Variants in PBK observed in about 807,000 individuals in gnomAD.
PBK encodes PDZ binding kinase.
In PBK, 22 loss-of-function variants were observed where a neutral mutation model predicts 33.5. That is an observed-to-expected ratio of 0.66 (90% confidence interval 0.47 to 0.94). PBK has a LOEUF of 0.94. Ranked by LOEUF, PBK falls within the 40% of genes least tolerant of loss-of-function variation. The pLI is 0.00. For missense variants in PBK, 376 were observed against 383.4 expected (o/e 0.98, Z 0.16); for synonymous variants, 129 against 123.8 (o/e 1.04, Z -0.28).
At chr8:27,829,194 T>C (rs1251362970) in intron 2 of PBK, among the ~76,000 whole-genome samples, 2 of 152,142 alleles carry the variant, frequency 1.3e-5, no homozygotes, top group Non-Finnish European at 2.9e-5. Flanking sequence ...AATGTGTAGA[T>C]GCCCCAAAGC....
Position 27,810,125 on chromosome 8 carries a change from C to A in PBK, c.*180G>T, listed in dbSNP as rs1183899361. On this transcript the variant is annotated 3_prime_UTR_variant, in exon 8 of 8. Transcript: ENST00000301905. ...ACTTTACAGAAAACCCAGTACAATTCCAAGTGCTTATAGCCAATATAAGCA... is the reference window on the plus strand; with the variant it reads ...ACTTTACAGAAAACCCAGTACAATTACAAGTGCTTATAGCCAATATAAGCA... The A allele has an allele frequency of 3.9e-5, 22 of 566,560 alleles. No homozygotes were observed. The highest frequency in any genetic ancestry group is 6.8e-5 in the Non-Finnish European group (22 of 324,998). 35.1% of individuals were successfully genotyped at this position (566,560 alleles called of 1,614,324 possible). A position where few individuals can be genotyped will look rare whatever the true frequency, so the allele number is the denominator to read the frequency against.
chr8:27,820,585 G>A lies in PBK; in HGVS notation c.575C>T (p.Pro192Leu). ...IKICDVGVSLPLDENMTVTDP... is the reference protein window; with the variant it reads ...IKICDVGVSLLLDENMTVTDP... ...CTTACCAGTCATATTTTCATCCAGT[G>A]GTAGAGAGACTCCTACATCACAGAT... Residue 192 changes from proline to leucine, a missense_variant, in exon 6 of 8, where the codon CCA (proline) becomes CTA (leucine). Pro to Leu is a moderately conservative substitution (Grantham distance 98, BLOSUM62 -3). Coordinates refer to ENST00000301905, the MANE Select transcript of PBK (RefSeq NM_018492.4). 1 of 1,579,014 alleles carries A rather than the reference G, an allele frequency of 6.3e-7. No homozygotes were observed. Among genetic ancestry groups the A allele is most frequent in the Non-Finnish European group, 8.7e-7 (1 of 1,154,780 alleles).
intron 2 of PBK, among the ~76,000 whole-genome samples, chr8:27,830,898 A>G (rs1267085925): frequency 1.3e-5 from 2 of 152,226 alleles, no homozygotes; most frequent in African/African-American, 4.8e-5. Context: ...TTAAAACACA[A>G]ATCAAAATAA....
chr8:27,825,134 G>T (rs1375257190), intron 3 of PBK, among the ~76,000 whole-genome samples: 2 of 152,158 alleles, frequency 1.3e-5, no homozygotes, highest in Non-Finnish European at 2.9e-5. Context: ...TGAACTGCTT[G>T]CAAGTTATTT....
chr8:27,810,587 G>T, intron 7 of PBK, 86 bp from the exon 8 acceptor site: 1 of 726,472 alleles, frequency 1.4e-6, no homozygotes, highest in Non-Finnish European at 2.3e-6. Context: ...CCTGAAACAA[G>T]AATTTATGGT....
intron 1 of PBK, among the ~76,000 whole-genome samples, chr8:27,836,966 C>T (rs189641410): frequency 6.6e-6 from 1 of 152,288 alleles, no homozygotes; most frequent in Non-Finnish European, 1.5e-5. Context: ...GTAGCCCAGA[C>T]TCTGCTTCAG....
chr8:27,811,253 G>A, intron 6 of PBK, 119 bp from the exon 7 acceptor site: 4 of 812,366 alleles, frequency 4.9e-6, no homozygotes, highest in Non-Finnish European at 8.2e-6. Context: ...AGTGTAGCCA[G>A]AAAATGTAAA....
chr8:27,829,135 TGA>T (rs1475184935), intron 2 of PBK, among the ~76,000 whole-genome samples: 1 of 152,194 alleles, frequency 6.6e-6, no homozygotes, highest in Non-Finnish European at 1.5e-5. Context: ...TCCAAAGATC[TGA>T]ACAGTTTCTC....
Position 27,822,412 on chromosome 8 carries a change from A to G in PBK, c.372T>C (p.Asn124=), listed in dbSNP as rs1459227326. The change falls in exon 5 of 8, where the codon AAT becomes AAC. Residue 124 remains asparagine, a synonymous_variant. Transcript: ENST00000301905. ...CTTTATATCGTTCTTCTATTAAGTC[A>G]TTTAGAGACTTTTCACCTCCATATT... ...AMEYGGEKSL[N]DLIEERYKAS... is the part of the protein sequence containing the mutation. The G allele has an allele frequency of 3.1e-6, 5 of 1,612,830 alleles. No homozygotes were observed. Among genetic ancestry groups the G allele is most frequent in the Non-Finnish European group, 3.4e-6 (4 of 1,179,010 alleles).
rs776411663 is a variant in PBK at position 27,810,951 on chromosome 8, T to C, written c.772+7A>G. ...ATTGGGATTTATGTTAGAAATTGTA[T>C]TCATACCTTCATCATCATCATCATT... On this transcript the variant is annotated splice_region_variant and intron_variant, in intron 7 of 7. Transcript: ENST00000301905. The C allele has an allele frequency of 1.3e-6, 2 of 1,502,086 alleles. No homozygotes were observed. Among genetic ancestry groups the C allele is most frequent in the East Asian group, 2.3e-5 (1 of 44,320 alleles). The allele number at this position is 1,502,086 out of a possible 1,614,324, so 93.0% of individuals were successfully genotyped here.
intron 6 of PBK, among the ~76,000 whole-genome samples, chr8:27,815,064 A>C (rs1805783874): frequency 6.6e-6 from 1 of 152,216 alleles, no homozygotes; most frequent in South Asian, 2.1e-4. Context: ...ATTTTGAAAC[A>C]ATAGAAAGAA....
At chr8:27,816,504 G>A (rs2128962282) in intron 6 of PBK, among the ~76,000 whole-genome samples, 1 of 151,572 alleles carries the variant, frequency 6.6e-6, no homozygotes, top group East Asian at 1.9e-4. Flanking sequence ...AGCCTCCTGA[G>A]TAGCTGGGAC....
At position 27,833,040 on chromosome 8, in the gene PBK, A is replaced by C. The variant is rs10113621; in HGVS notation, c.58+16T>G. 159,642 of 1,458,280 alleles carry C rather than the reference A, an allele frequency of 0.11. 11,889 individuals carry two copies. Among genetic ancestry groups the C allele is most frequent in the East Asian group, 0.34 (14,759 of 43,618 alleles). The allele number at this position is 1,458,280 out of a possible 1,614,324, so 90.3% of individuals were successfully genotyped here. Reference sequence around the variant, plus strand: ...CAACAATAGTAAAAAAAAAAATCTTACATCTGCTATCTTACCAGATTTCTT... The same window carrying C: ...CAACAATAGTAAAAAAAAAAATCTTCCATCTGCTATCTTACCAGATTTCTT... On this transcript the variant is annotated intron_variant, in intron 2 of 7. Transcript: ENST00000301905.
chr8:27,819,459 T>C (rs1390116921), intron 6 of PBK, among the ~76,000 whole-genome samples: 1 of 152,152 alleles, frequency 6.6e-6, no homozygotes, highest in Non-Finnish European at 1.5e-5. Flanking sequence ...TTTCTCTTTT[T>C]AGCCAAAAAT....
rs71553893 is a variant in PBK, at chr8:27,820,824, A to ATTT, written c.466-133_466-131dup. ...GTTTACATTTGTCCAGCGTTTCAAA[A>ATTT]TTTTTTTTTTTTTTTTTAAAACGGA... is the stretch of plus-strand genomic sequence containing the variant. On this transcript the variant is annotated intron_variant, in intron 5 of 7. Transcript: ENST00000301905. The ATTT allele has an allele frequency of 3.2e-3, 1,238 of 384,978 alleles. 3 individuals are homozygous for ATTT. Among genetic ancestry groups the ATTT allele is most frequent in the East Asian group, 0.013 (267 of 19,972 alleles). 23.8% of individuals were successfully genotyped at this position (384,978 alleles called of 1,614,324 possible).
At chr8:27,814,153 T>C (rs2128961628) in intron 6 of PBK, among the ~76,000 whole-genome samples, 1 of 152,344 alleles carries the variant, frequency 6.6e-6, no homozygotes, top group African/African-American at 2.4e-5. Context: ...CCTTGGATAT[T>C]TGGTAGAAAT....
At chr8:27,810,877 C>T in intron 7 of PBK, 81 bp downstream of exon 7, 2 of 914,342 alleles carry the variant, frequency 2.2e-6, no homozygotes, top group Non-Finnish European at 3.4e-6. Context: ...AGTACTAATA[C>T]ATATCTTAGA....
intron 6 of PBK, among the ~76,000 whole-genome samples, chr8:27,815,892 GACA>G (rs1398040681): frequency 3.3e-5 from 5 of 152,268 alleles, no homozygotes; most frequent in African/African-American, 1.2e-4. Context: ...GGATTGTTCT[GACA>G]ACAAAAGTTT....
chr8:27,815,064 AATAG>A (rs1452444087), intron 6 of PBK, among the ~76,000 whole-genome samples: 2 of 152,216 alleles, frequency 1.3e-5, no homozygotes, highest in Non-Finnish European at 2.9e-5. Flanking sequence ...ATTTTGAAAC[AATAG>A]AAAGAAGACA....
Sources: allele counts gnomAD v4.1 joint callset (sites outside exome capture counted in the v4.1 genomes callset), GRCh38; gene constraint gnomAD v4.1.1; transcripts MANE v1.5; gene names NCBI Gene and HGNC (gene_info 2026-07-23, HGNC 2026-07-21).